Variants in ZNF385D observed in about 807,000 individuals in gnomAD.
The protein encoded by ZNF385D is zinc finger protein 659.
Under a neutral mutation model 35.8 loss-of-function variants are expected in ZNF385D, and 15 were observed. That is an observed-to-expected ratio of 0.42 (90% CI 0.28 to 0.64). The LOEUF is 0.64. Ranked by LOEUF, ZNF385D falls within the 30% of genes least tolerant of loss-of-function variation. The probability of loss-of-function intolerance (pLI) is 0.23; values close to 1 mark genes in which losing one functional copy is unlikely to be tolerated. For synonymous variants in ZNF385D, 212 were observed against 186.8 expected, an observed-to-expected ratio of 1.13 and a Z score of -1.10; for missense variants, 474 against 494.6, an observed-to-expected ratio of 0.96 and a Z score of 0.39.
intron 3 of ZNF385D, among the ~76,000 whole-genome samples, chr3:21,821,529 C>T (rs1447074365): frequency 6.6e-6 from 1 of 152,050 alleles, no homozygotes; most frequent in East Asian, 1.9e-4. Flanking sequence ...GAATGATTAA[C>T]TAAACAAAAA....
chr3:22,153,661 A>G (rs1294719291), intron 3 of ZNF385D, among the ~76,000 whole-genome samples: 1 of 151,782 alleles, frequency 6.6e-6, no homozygotes, highest in South Asian at 2.1e-4. Context: ...ATGGCATTTC[A>G]CCATGTTGGT....
At chr3:21,795,880 CAAAA>C (rs2072127649) in intron 3 of ZNF385D, among the ~76,000 whole-genome samples, 1 of 152,094 alleles carries the variant, frequency 6.6e-6, no homozygotes, top group Non-Finnish European at 1.5e-5. Flanking sequence ...TTTTAACAAA[CAAAA>C]GAATATTAAT....
Position 21,606,477 on chromosome 3 carries a change from A to G in ZNF385D, c.166-41793T>C, listed in dbSNP as rs186364588. Among the ~76,000 whole-genome samples, 28 of 152,350 alleles carry G rather than the reference A, an allele frequency of 1.8e-4. 2 individuals are homozygous for G. In the East Asian group the frequency reaches 4.8e-3, roughly 26 times the overall value. ...ATGTACAAAATGGAACACCATTAATATATTTTAGATCCATAGGTGACTTTA... is the reference window on the plus strand; with the variant it reads ...ATGTACAAAATGGAACACCATTAATGTATTTTAGATCCATAGGTGACTTTA... On this transcript the variant is annotated intron_variant, in intron 2 of 7. Transcript: ENST00000281523.
chr3:21,501,114 T>C (rs1706327466), intron 4 of ZNF385D, among the ~76,000 whole-genome samples: 1 of 152,140 alleles, frequency 6.6e-6, no homozygotes, highest in Admixed American at 6.5e-5. Flanking sequence ...CCACAAGCCC[T>C]GTGCCAAGCA....
chr3:21,488,725 A>G (rs947534943), intron 4 of ZNF385D, among the ~76,000 whole-genome samples: 2 of 152,090 alleles, frequency 1.3e-5, no homozygotes, highest in Non-Finnish European at 2.9e-5. Flanking sequence ...AAAAATGGCA[A>G]CTGGAAGAGA....
At chr3:21,502,089 G>A (rs1048616249) in intron 4 of ZNF385D, among the ~76,000 whole-genome samples, 5 of 152,106 alleles carry the variant, frequency 3.3e-5, no homozygotes, top group Non-Finnish European at 7.4e-5. Flanking sequence ...AAGGCAACTG[G>A]GGAACAGCAA....
At chr3:22,118,294 C>A (rs1702910796) in intron 3 of ZNF385D, among the ~76,000 whole-genome samples, 1 of 152,020 alleles carries the variant, frequency 6.6e-6, no homozygotes, top group African/African-American at 2.4e-5. Flanking sequence ...GTTTGGTAAT[C>A]CCTCCAAACC....
chr3:22,300,755 T>C (rs2125411362), intron 2 of ZNF385D, among the ~76,000 whole-genome samples: 1 of 152,098 alleles, frequency 6.6e-6, no homozygotes, highest in Non-Finnish European at 1.5e-5. Context: ...TTCACACATG[T>C]TAGAATAGCT....
intron 2 of ZNF385D, among the ~76,000 whole-genome samples, chr3:22,217,209 C>A (rs1469197654): frequency 6.6e-6 from 1 of 151,978 alleles, no homozygotes; most frequent in Non-Finnish European, 1.5e-5. Context: ...ACTTGATCAG[C>A]CTATTCTTTC....
chr3:21,823,643 A>C (rs1694416673), intron 3 of ZNF385D, among the ~76,000 whole-genome samples: 2 of 152,304 alleles, frequency 1.3e-5, no homozygotes, highest in South Asian at 2.1e-4. Flanking sequence ...ATATCTCAGA[A>C]GTGAACTAGA....
chr3:21,669,606 T>C (rs1012071477), intron 1 of ZNF385D, among the ~76,000 whole-genome samples: 2 of 152,190 alleles, frequency 1.3e-5, no homozygotes, highest in African/African-American at 4.8e-5. Context: ...TGATAATTCA[T>C]ACAGATAAAT....
At chr3:21,822,052 T>C (rs750229902) in intron 3 of ZNF385D, among the ~76,000 whole-genome samples, 1 of 151,876 alleles carries the variant, frequency 6.6e-6, no homozygotes, top group African/African-American at 2.4e-5. Flanking sequence ...TTCTCCACCA[T>C]TGGTTTAGTC....
intron 1 of ZNF385D, among the ~76,000 whole-genome samples, chr3:21,706,054 T>C (rs181474122): frequency 6.6e-6 from 1 of 152,204 alleles, no homozygotes; most frequent in Non-Finnish European, 1.5e-5. Flanking sequence ...ATGCACTACT[T>C]TGACTCCTCC....
intron 2 of ZNF385D, among the ~76,000 whole-genome samples, chr3:22,299,796 T>C (rs1231599689): frequency 6.6e-6 from 1 of 151,882 alleles, no homozygotes; most frequent in Non-Finnish European, 1.5e-5. Flanking sequence ...CTGTAAAATA[T>C]TGATAAAAGA....
At chr3:22,098,006 C>G (rs1419199745) in intron 3 of ZNF385D, among the ~76,000 whole-genome samples, 5 of 151,990 alleles carry the variant, frequency 3.3e-5, no homozygotes, top group Non-Finnish European at 7.4e-5. Context: ...ATTTTCCCCA[C>G]AAAGTTTGAA....
chr3:22,096,122 A>C (rs1019542775), intron 3 of ZNF385D, among the ~76,000 whole-genome samples: 2 of 147,444 alleles, frequency 1.4e-5, no homozygotes, highest in Admixed American at 6.8e-5. Context: ...ATATAAGGTA[A>C]AAAAAATATA....
rs1702754332 is a variant in ZNF385D, at chr3:22,115,391, A to T, written c.325+53426T>A. ...ATGAAGTTTGTGCACAAGTAGAAAGAGAACATAGGTGTCCTTTGGATTTTA... is the reference window on the plus strand; with the variant it reads ...ATGAAGTTTGTGCACAAGTAGAAAGTGAACATAGGTGTCCTTTGGATTTTA... On this transcript the variant is annotated intron_variant, in intron 3 of 5. Transcript: ENST00000494108. 1.3e-5 allele frequency among the ~76,000 whole-genome samples: 2 copies of T among 152,138 alleles called. 1 individual carries two copies. The highest frequency in any genetic ancestry group is 4.1e-4 in the South Asian group (2 of 4,828).
intron 2 of ZNF385D, among the ~76,000 whole-genome samples, chr3:22,353,775 ACT>A (rs977380420): frequency 5.3e-5 from 8 of 151,794 alleles, no homozygotes; most frequent in African/African-American, 1.7e-4. Flanking sequence ...CCTCAGCCAC[ACT>A]CTCATCTTTA....
chr3:21,556,768 G>T (rs955475089), intron 3 of ZNF385D, among the ~76,000 whole-genome samples: 2 of 152,192 alleles, frequency 1.3e-5, no homozygotes, highest in Non-Finnish European at 2.9e-5. Context: ...ACTTTGGGCA[G>T]TATGGCCATT....
Sources: allele counts gnomAD v4.1 joint callset (sites outside exome capture counted in the v4.1 genomes callset), GRCh38; gene constraint gnomAD v4.1.1; transcripts MANE v1.5; gene names NCBI Gene and HGNC (gene_info 2026-07-23, HGNC 2026-07-21).